The following ERG variants were observed in gnomAD, a reference collection of about 807,000 sequenced individuals.
ERG encodes transcriptional regulator ERG.
In ERG, 9 loss-of-function variants were observed where a neutral mutation model predicts 55.3. The observed-to-expected ratio is 0.16, with a 90% CI of 0.10 to 0.28. ERG has a LOEUF of 0.28. ERG is among the 10% of genes least tolerant of loss of function. The pLI is 1.00. For synonymous variants in ERG, 223 were observed against 237.3 expected, an observed-to-expected ratio of 0.94 and a Z score of 0.55; for missense variants, 434 against 631.6, an observed-to-expected ratio of 0.69 and a Z score of 3.35.
the ERG span, among the ~76,000 whole-genome samples, chr21:38,367,305 T>C: frequency 6.6e-6 from 1 of 152,202 alleles, no homozygotes; most frequent in Non-Finnish European, 1.5e-5. Flanking sequence ...TCCATAAACA[T>C]TTATTATCTC....
chr21:38,519,243 A>C (rs1330073187), intron 2 of ERG, among the ~76,000 whole-genome samples: 1 of 152,218 alleles, frequency 6.6e-6, no homozygotes, highest in Non-Finnish European at 1.5e-5. Context: ...TCAAATAGGT[A>C]AGTGAACAAA....
intron 1 of ERG, among the ~76,000 whole-genome samples, chr21:38,578,312 G>A (rs754426134): frequency 5.3e-5 from 8 of 152,244 alleles, no homozygotes; most frequent in Non-Finnish European, 7.3e-5. Context: ...TAGAGGCACG[G>A]AGAAGATAGA....
At chr21:38,373,006 T>C in the ERG span, among the ~76,000 whole-genome samples, 1 of 152,170 alleles carries the variant, frequency 6.6e-6, no homozygotes, top group Non-Finnish European at 1.5e-5. Flanking sequence ...GCTCTATCCA[T>C]AGATCCTGGA....
chr21:38,648,201 G>A (rs751249701), intron 1 of ERG, among the ~76,000 whole-genome samples: 2 of 152,138 alleles, frequency 1.3e-5, no homozygotes, highest in African/African-American at 2.4e-5. Flanking sequence ...CAGTGCAAAC[G>A]TAACTAATTC....
At chr21:38,466,300 G>GGTGGGTGTGTGTGTGTGT (rs1555903687) in intron 1 of ERG, among the ~76,000 whole-genome samples, 10 of 140,604 alleles carry the variant, frequency 7.1e-5, no homozygotes, top group Non-Finnish European at 1.2e-4. Context: ...GATGGTCTGG[G>GGTGGGTGTGTGTGTGTGT]GTGTGTGTGT....
At chr21:38,394,212 C>T (rs1271538015) in intron 6 of ERG, among the ~76,000 whole-genome samples, 4 of 152,156 alleles carry the variant, frequency 2.6e-5, no homozygotes, top group Non-Finnish European at 5.9e-5. Flanking sequence ...CAAGATAATA[C>T]AGAAATACAG....
intron 2 of ERG, among the ~76,000 whole-genome samples, chr21:38,545,075 T>A (rs565471310): frequency 4.2e-4 from 64 of 152,270 alleles, no homozygotes; most frequent in African/African-American, 1.4e-3. Flanking sequence ...TCATAATTTT[T>A]AAAATCCATT....
In ERG at chr21:38,400,570, G is replaced by A. The variant is rs775226479; in HGVS notation, c.745+4C>T. The A allele has an allele frequency of 5.9e-5, 95 of 1,611,466 alleles. No homozygotes were observed. The South Asian group carries it at 7.7e-4, about 13-fold the overall frequency. On this transcript the variant is annotated splice_donor_region_variant and intron_variant, in intron 6 of 9. Transcript: ENST00000288319. ...GAAGAGATCACACAGGGGTGTTTTC[G>A]TACCTGGCCTAGTTGTAATTCTTTG...
intron 2 of ERG, among the ~76,000 whole-genome samples, chr21:38,567,073 T>TG (rs3838110): frequency 7.8e-4 from 118 of 151,812 alleles, no homozygotes; most frequent in Middle Eastern, 3.4e-3. Context: ...ATCGCCAGAC[T>TG]GGGGGGGGGA....
intron 2 of ERG, among the ~76,000 whole-genome samples, chr21:38,527,470 T>A (rs962463444): frequency 3.9e-5 from 6 of 152,136 alleles, no homozygotes; most frequent in African/African-American, 1.4e-4. Context: ...GAATGACGGG[T>A]TAAATAATCC....
At chr21:38,521,410 C>G (rs956798139) in intron 2 of ERG, among the ~76,000 whole-genome samples, 1 of 152,188 alleles carries the variant, frequency 6.6e-6, no homozygotes, top group African/African-American at 2.4e-5. Context: ...CAAAGTCTTT[C>G]TAACTCCTTA....
rs73444322 is a variant in ERG, at chr21:38,629,057, T to G, written c.-150+32601A>C. Reference sequence around the variant, plus strand: ...TAACATTTACAATTCAATAGCAGAGTTTCCTGCACAGACTGTACTATTTAC... The same window carrying G: ...TAACATTTACAATTCAATAGCAGAGGTTCCTGCACAGACTGTACTATTTAC... On this transcript the variant is annotated intron_variant, in intron 1 of 10. Transcript: ENST00000398910. Among the ~76,000 whole-genome samples the G allele has an allele frequency of 2.5e-3, 378 of 152,050 alleles. 2 individuals are homozygous for G. The highest frequency in any genetic ancestry group is 8.4e-3 in the African/African-American group (347 of 41,456).
At chr21:38,442,152 T>G (rs1569102815) in intron 2 of ERG, among the ~76,000 whole-genome samples, 3 of 152,136 alleles carry the variant, frequency 2.0e-5, no homozygotes, top group Admixed American at 1.3e-4. Context: ...ACACCTGTAA[T>G]CCCAGCAATC....
rs191218826 is a variant in ERG, at chr21:38,381,365, A to G, written c.*2038T>C. On this transcript the variant is annotated 3_prime_UTR_variant, in exon 10 of 10. Coordinates refer to ENST00000288319, the MANE Select transcript of ERG (RefSeq NM_182918.4). The stretch of plus-strand genomic sequence containing the variant: ...AAGGTTGGCAGCATTTGTGATTCAA[A>G]GAAAAGATGCCCAGGGAAACTGACT... 514 of 1,063,770 alleles carry G rather than the reference A, an allele frequency of 4.8e-4. 4 individuals are homozygous for G. The highest frequency in any genetic ancestry group is 3.5e-3 in the East Asian group (69 of 19,884). The allele number at this position is 1,063,770 out of a possible 1,614,324, so 65.9% of individuals were successfully genotyped here.
chr21:38,396,923 AT>A (rs1988249917), intron 6 of ERG, among the ~76,000 whole-genome samples: 3 of 151,954 alleles, frequency 2.0e-5, no homozygotes, highest in African/African-American at 7.2e-5. Context: ...AATAAAATAT[AT>A]ATATATTTAA....
chr21:38,624,296 G>A (rs1487965073), intron 1 of ERG, among the ~76,000 whole-genome samples: 1 of 152,034 alleles, frequency 6.6e-6, no homozygotes, highest in Non-Finnish European at 1.5e-5. Flanking sequence ...GTCGGGGGTG[G>A]GTGGGGGACA....
intron 5 of ERG, among the ~76,000 whole-genome samples, chr21:38,401,653 T>C (rs1304665561): frequency 6.6e-6 from 1 of 152,302 alleles, no homozygotes; most frequent in East Asian, 1.9e-4. Flanking sequence ...CTTGCAAGGC[T>C]TTCTGGCACT....
chr21:38,371,271 T>A, the ERG span, among the ~76,000 whole-genome samples: 1 of 152,072 alleles, frequency 6.6e-6, no homozygotes, highest in African/African-American at 2.4e-5. Flanking sequence ...AACTCTTAAA[T>A]AAAATTCAAA....
intron 2 of ERG, among the ~76,000 whole-genome samples, chr21:38,553,153 C>A (rs188846372): frequency 2.4e-4 from 36 of 151,904 alleles, no homozygotes; most frequent in East Asian, 5.8e-4. Context: ...ATCTCTATGA[C>A]AAGTATTACA....
Sources: allele counts gnomAD v4.1 joint callset (sites outside exome capture counted in the v4.1 genomes callset), GRCh38; gene constraint gnomAD v4.1.1; transcripts MANE v1.5; gene names NCBI Gene and HGNC (gene_info 2026-07-23, HGNC 2026-07-21).